RUVBL1: variants seen among roughly 807,000 people sequenced by gnomAD.
The protein encoded by RUVBL1 is ruvB-like 1.
Under a neutral mutation model 52.4 loss-of-function variants are expected in RUVBL1, and 4 were observed. That is an observed-to-expected ratio of 0.08 (90% CI 0.04 to 0.17). The LOEUF is 0.17. Among genes scored for constraint, RUVBL1 ranks in the 10% least tolerant of loss-of-function variants. The pLI, the probability that RUVBL1 is intolerant of heterozygous loss-of-function variation, is 1.00. For missense variants in RUVBL1, 298 were observed against 572.8 expected (o/e 0.52, Z 4.90); for synonymous variants, 217 against 214.4 (o/e 1.01, Z -0.10).
downstream of RUVBL1, among the ~76,000 whole-genome samples, chr3:128,077,149 T>C (rs1942357533): frequency 6.6e-6 from 1 of 151,858 alleles, no homozygotes; most frequent in South Asian, 2.1e-4. Flanking sequence ...CGCGCGCTGA[T>C]GGCCGCCCAG....
chr3:128,101,556 T>C lies in RUVBL1; in HGVS notation c.603+3A>G, dbSNP rs1217427300. The C allele has an allele frequency of 6.2e-7, 1 of 1,613,430 alleles. No homozygotes were observed. The highest frequency in any genetic ancestry group is 8.5e-7 in the Non-Finnish European group (1 of 1,179,550). ...CAATGCTGTGTCCCAAGGAAGGCAT[T>C]ACCTTCACGGCCCCACTGTTGGCTT... On this transcript the variant is annotated splice_donor_region_variant and intron_variant, in intron 5 of 10. Transcript: ENST00000322623.
At chr3:128,104,692 T>C (rs1401373274) in intron 4 of RUVBL1, 81 bp downstream of exon 4, 1 of 1,256,856 alleles carries the variant, frequency 8.0e-7, no homozygotes, top group East Asian at 2.5e-5. Flanking sequence ...GAAACTGGGA[T>C]GCAGAGAGGT....
intron 4 of RUVBL1, 58 bp downstream of exon 4, chr3:128,104,715 C>G (rs974876641): frequency 1.3e-6 from 2 of 1,495,024 alleles, no homozygotes; most frequent in African/African-American, 2.7e-5. Flanking sequence ...CACCACCTGC[C>G]CAAAGCCACA....
chr3:128,128,118 G>C (rs558355039), upstream of RUVBL1, among the ~76,000 whole-genome samples: 31 of 152,144 alleles, frequency 2.0e-4, no homozygotes, highest in South Asian at 6.4e-3. Context: ...TCAGCCTCCC[G>C]AGTAGCTGGG....
intron 8 of RUVBL1, among the ~76,000 whole-genome samples, chr3:128,092,784 G>C (rs950417631): frequency 6.6e-6 from 1 of 152,220 alleles, no homozygotes; most frequent in African/African-American, 2.4e-5. Context: ...TTGGAAAACA[G>C]CTGGCAGTTC....
chr3:128,071,720 T>C (rs1942172371), intron 9 of RUVBL1: 2 of 152,716 alleles, frequency 1.3e-5, no homozygotes, highest in South Asian at 4.1e-4. Flanking sequence ...TTAGATTTTA[T>C]TCCCAAAAAG....
intron 1 of RUVBL1, among the ~76,000 whole-genome samples, chr3:128,136,303 C>T (rs1489068600): frequency 6.6e-6 from 1 of 151,896 alleles, no homozygotes; most frequent in African/African-American, 2.4e-5. Flanking sequence ...ACTAAACTTT[C>T]CAATAAAAAG....
intron 1 of RUVBL1, among the ~76,000 whole-genome samples, chr3:128,130,168 A>G (rs939299717): frequency 6.6e-6 from 1 of 152,218 alleles, no homozygotes; most frequent in Non-Finnish European, 1.5e-5. Context: ...CTAAGAAAAC[A>G]AGAGAGAAGA....
chr3:128,152,959 C>CCCT (rs1944264401), intron 1 of RUVBL1, among the ~76,000 whole-genome samples: 1 of 25,146 alleles, frequency 4.0e-5, no homozygotes, highest in Non-Finnish European at 7.1e-5. Flanking sequence ...CGTCTTCCCG[C>CCCT]CCCCCCCGCC....
At chr3:128,124,243 G>A (rs1202274429), upstream of RUVBL1, among the ~76,000 whole-genome samples, 2 of 151,782 alleles carry the variant, frequency 1.3e-5, no homozygotes, top group Non-Finnish European at 2.9e-5. Context: ...TCCCTGGAAA[G>A]GCCCAGCTCA....
At chr3:128,123,909 T>G, upstream of RUVBL1, 4 of 1,252,938 alleles carry the variant, frequency 3.2e-6, no homozygotes, top group Non-Finnish European at 4.0e-6. Flanking sequence ...CCATCGCGGC[T>G]GCTGCTAGAG....
chr3:128,098,808 G>A (rs1943048259), intron 7 of RUVBL1, 74 bp downstream of exon 7: 1 of 1,263,574 alleles, frequency 7.9e-7, no homozygotes, highest in Admixed American at 1.7e-5. Context: ...TGTGCTCACA[G>A]AGCCGCAAGA....
At chr3:128,109,840 CAG>C (rs1399056797) in intron 3 of RUVBL1, among the ~76,000 whole-genome samples, 3 of 44,712 alleles carry the variant, frequency 6.7e-5, no homozygotes, top group African/African-American at 9.9e-5. Context: ...TTTTTTGAGA[CAG>C]AGTCTCTCTG....
At chr3:128,116,191 C>A (rs1943518146) in intron 2 of RUVBL1, among the ~76,000 whole-genome samples, 1 of 151,006 alleles carries the variant, frequency 6.6e-6, no homozygotes, top group African/African-American at 2.4e-5. Flanking sequence ...AAAAAAAAAA[C>A]ATAAAAGAGG....
chr3:128,085,345 T>C (rs1369957096), intron 9 of RUVBL1, among the ~76,000 whole-genome samples: 3 of 152,182 alleles, frequency 2.0e-5, no homozygotes, highest in African/African-American at 7.2e-5. Flanking sequence ...CCTGAACACA[T>C]CTGTGCTGGG....
intron 9 of RUVBL1, chr3:128,068,146 C>CTT: frequency 1.1e-6 from 1 of 914,728 alleles, no homozygotes; most frequent in Non-Finnish European, 1.8e-6. Context: ...GGCCCTAGCA[C>CTT]TTACTGGGTC....
At chr3:128,153,490 C>T (rs548696448) in exon 1 of RUVBL1, 19 of 1,477,934 alleles carry the variant, frequency 1.3e-5, no homozygotes, top group African/African-American at 4.4e-5. Flanking sequence ...GGCGGGTGTC[C>T]GAGGCGGCGG....
At chr3:128,124,509 A>G (rs973999729), upstream of RUVBL1, among the ~76,000 whole-genome samples, 4 of 152,186 alleles carry the variant, frequency 2.6e-5, no homozygotes, top group African/African-American at 9.7e-5. Flanking sequence ...AATGCTCATC[A>G]CGTCCCATGA....
At chr3:128,107,094 G>A (rs375395477) in intron 3 of RUVBL1, among the ~76,000 whole-genome samples, 4 of 152,124 alleles carry the variant, frequency 2.6e-5, no homozygotes, top group Admixed American at 6.5e-5. Context: ...AGTGGGACCC[G>A]GTGAAGTAAG....
Sources: allele counts gnomAD v4.1 joint callset (sites outside exome capture counted in the v4.1 genomes callset), GRCh38; gene constraint gnomAD v4.1.1; transcripts MANE v1.5; gene names NCBI Gene and HGNC (gene_info 2026-07-23, HGNC 2026-07-21).